Variants in RFX3 observed in about 807,000 individuals in gnomAD.
RFX3 encodes the protein regulatory factor X3.
A neutral mutation model predicts 98.6 loss-of-function variants in RFX3; 14 were observed. The observed-to-expected ratio is 0.14, with a 90% CI of 0.09 to 0.22. RFX3 has a LOEUF of 0.22. Ranked by LOEUF, RFX3 falls within the 10% of genes least tolerant of loss-of-function variation. The pLI is 1.00. For missense variants in RFX3, 639 were observed against 926.9 expected (o/e 0.69, Z 4.03); for synonymous variants, 383 against 328.4 (o/e 1.17, Z -1.80).
At chr9:3,440,278 AC>A (rs1564103641) in intron 1 of RFX3, among the ~76,000 whole-genome samples, 1 of 152,058 alleles carries the variant, frequency 6.6e-6, no homozygotes, top group African/African-American at 2.4e-5. Flanking sequence ...AATAAAACAA[AC>A]AAAAAGTATC....
At chr9:3,326,824 G>C (rs1254545332) in intron 4 of RFX3, among the ~76,000 whole-genome samples, 1 of 152,148 alleles carries the variant, frequency 6.6e-6, no homozygotes, top group East Asian at 1.9e-4. Context: ...GCTTTGTGCT[G>C]TTTCCAAGTA....
At chr9:3,397,006 G>C (rs1487398936) in intron 1 of RFX3, among the ~76,000 whole-genome samples, 3 of 152,140 alleles carry the variant, frequency 2.0e-5, no homozygotes, top group East Asian at 1.9e-4. Context: ...TTCGATTATA[G>C]TCTTATACAA....
intron 3 of RFX3, among the ~76,000 whole-genome samples, chr9:3,341,062 T>A (rs940930618): frequency 6.6e-6 from 1 of 152,104 alleles, no homozygotes; most frequent in East Asian, 1.9e-4. Flanking sequence ...CACCATAGAA[T>A]ACTATGCAGC....
At chr9:3,423,839 A>C (rs1194115634) in intron 1 of RFX3, among the ~76,000 whole-genome samples, 1 of 144,030 alleles carries the variant, frequency 6.9e-6, no homozygotes, top group Non-Finnish European at 1.5e-5. Flanking sequence ...AAAAGAACAA[A>C]ATCTTAGAAT....
intron 14 of RFX3, among the ~76,000 whole-genome samples, chr9:3,251,588 C>G (rs1821407473): frequency 6.6e-6 from 1 of 152,020 alleles, no homozygotes; most frequent in Non-Finnish European, 1.5e-5. Context: ...CTGCCTCAGC[C>G]TCCCCCAAAT....
intron 2 of RFX3, among the ~76,000 whole-genome samples, chr9:3,363,439 A>G (rs1003888057): frequency 3.3e-5 from 5 of 152,210 alleles, no homozygotes; most frequent in African/African-American, 1.2e-4. Context: ...GATATTATGC[A>G]TATTTACAGG....
chr9:3,395,730 G>T, intron 1 of RFX3, 134 bp from the exon 2 acceptor site: 1 of 841,216 alleles, frequency 1.2e-6, no homozygotes, highest in Non-Finnish European at 1.8e-6. Flanking sequence ...ATACTACCAT[G>T]ACAGTCCGTG....
chr9:3,486,781 A>C (rs1850313162), intron 1 of RFX3, among the ~76,000 whole-genome samples: 1 of 152,222 alleles, frequency 6.6e-6, no homozygotes, highest in Admixed American at 6.5e-5. Flanking sequence ...TGTGTGATTA[A>C]CTTCTAACCC....
chr9:3,349,366 T>G (rs1373473333), intron 2 of RFX3, among the ~76,000 whole-genome samples: 2 of 152,128 alleles, frequency 1.3e-5, no homozygotes, highest in Non-Finnish European at 2.9e-5. Flanking sequence ...TACTATAAAG[T>G]CACTTAAAAT....
chr9:3,409,003 A>C (rs1306806262), intron 1 of RFX3, among the ~76,000 whole-genome samples: 1 of 152,234 alleles, frequency 6.6e-6, no homozygotes, highest in Non-Finnish European at 1.5e-5. Flanking sequence ...GTACTGAATA[A>C]AATAGTTTCA....
intron 6 of RFX3, among the ~76,000 whole-genome samples, chr9:3,289,268 A>T (rs1156337350): frequency 6.6e-6 from 1 of 152,090 alleles, no homozygotes; most frequent in African/African-American, 2.4e-5. Flanking sequence ...TATTAAATGA[A>T]CCTTATATAT....
At position 3,248,148 on chromosome 9, in the gene RFX3, C is replaced by G; in HGVS notation, c.1852G>C (p.Ala618Pro). The G allele has an allele frequency of 6.2e-7, 1 of 1,613,510 alleles. No individual in the cohort carries two copies. Among genetic ancestry groups the G allele is most frequent in the Non-Finnish European group, 8.5e-7 (1 of 1,179,744 alleles). Residue 618 changes from alanine (A) to proline (P), a missense_variant, in exon 15 of 17, where the codon GCT (alanine) becomes CCT (proline). Physicochemically the swap from Ala to Pro is conservative, Grantham distance 27 (BLOSUM62 -1). Transcript: ENST00000617270. ...VIRDLTLRSA[A>P]SFGSFHLIRL... ...ATCAGGTGGAAGGAGCCAAAGCTAG[C>G]AGCACTGCGTAAGGTTAAGTCCCGA...
At chr9:3,272,586 C>T (rs1268118946) in intron 9 of RFX3, among the ~76,000 whole-genome samples, 1 of 152,130 alleles carries the variant, frequency 6.6e-6, no homozygotes, top group African/African-American at 2.4e-5. Context: ...GTCCCTCATC[C>T]CAGCAAAGAT....
At chr9:3,455,853 C>T (rs1166602410) in intron 1 of RFX3, among the ~76,000 whole-genome samples, 1 of 152,202 alleles carries the variant, frequency 6.6e-6, no homozygotes, top group Non-Finnish European at 1.5e-5. Context: ...GACTGCACTT[C>T]CCCATTCCAA....
intron 4 of RFX3, among the ~76,000 whole-genome samples, chr9:3,310,654 G>T (rs2130442359): frequency 6.6e-6 from 1 of 152,210 alleles, no homozygotes; most frequent in South Asian, 2.1e-4. Context: ...TAAAGGTAAG[G>T]AATATTATCT....
chr9:3,309,260 C>T (rs867015364), intron 4 of RFX3, among the ~76,000 whole-genome samples: 2 of 152,088 alleles, frequency 1.3e-5, no homozygotes, highest in Non-Finnish European at 1.5e-5. Context: ...TCGTATTTCA[C>T]ACCAGGGAGA....
intron 13 of RFX3, among the ~76,000 whole-genome samples, chr9:3,259,143 C>T (rs116416284): frequency 7.2e-5 from 11 of 151,954 alleles, no homozygotes; most frequent in African/African-American, 2.6e-4. Flanking sequence ...ACAAATAAAG[C>T]TGAAATTAGC....
intron 2 of RFX3, among the ~76,000 whole-genome samples, chr9:3,378,267 T>A (rs571044019): frequency 6.6e-6 from 1 of 152,320 alleles, no homozygotes; most frequent in African/African-American, 2.4e-5. Context: ...TTCTTGTTTC[T>A]GCCTGCAATA....
chr9:3,341,932 G>C (rs1051235590), intron 3 of RFX3, among the ~76,000 whole-genome samples: 1 of 152,120 alleles, frequency 6.6e-6, no homozygotes. Context: ...TGAATAATAA[G>C]AAGAAAGCAT....
Sources: gnomAD v4.1 joint callset for allele counts (sites outside exome capture counted in the v4.1 genomes callset) on GRCh38, gnomAD v4.1.1 for gene constraint, MANE v1.5 for transcripts, NCBI Gene and HGNC (gene_info 2026-07-23, HGNC 2026-07-21) for gene names.